Variants in GPAA1 observed in about 807,000 individuals in gnomAD.
The protein encoded by GPAA1 is glycosylphosphatidylinositol anchor attachment 1, also known as GPI-anchor transamidase component GPAA1.
Under a neutral mutation model 64.0 loss-of-function variants are expected in GPAA1, and 54 were observed. That is an observed-to-expected ratio of 0.84 (90% CI 0.68 to 1.06). The LOEUF (loss-of-function observed/expected upper bound fraction) is 1.06. Among genes scored for constraint, GPAA1 ranks in the 50% least tolerant of loss-of-function variants. The pLI, the probability that GPAA1 is intolerant of heterozygous loss-of-function variation, is 0.00. For synonymous variants in GPAA1, 393 were observed against 377.3 expected (o/e 1.04, Z -0.48); for missense variants, 780 against 822.3 (o/e 0.95, Z 0.63).
chr8:144,085,429 A>G lies in GPAA1; in HGVS notation c.1401A>G (p.Thr467=). The G allele has an allele frequency of 1.9e-6, 3 of 1,604,488 alleles. No homozygotes were observed. The highest frequency in any genetic ancestry group is 2.5e-6 in the Non-Finnish European group (3 of 1,179,916). ...CAGAGGCTGAGGCTGTGGTGCTGAC[A>G]CTGCTGGCGATTTATGCAGCTGGCC... ...PVAEAEAVVL[T]LLAIYAAGLA... Residue 467 remains threonine, a synonymous_variant, in exon 10 of 12, where the codon ACA becomes ACG. Transcript: ENST00000355091.
rs782138044 is a variant in GPAA1, at chr8:144,085,459, C to T, written c.1431C>T (p.Ala477=). The T allele has an allele frequency of 6.2e-7, 1 of 1,603,800 alleles. No homozygotes were observed. The highest frequency in any genetic ancestry group is 1.7e-5 in the Admixed American group (1 of 59,998). Residue 477 remains alanine, a synonymous_variant, in exon 10 of 12, where the codon GCC becomes GCT. Transcript: ENST00000355091. ...TLLAIYAAGL[A]LPHNTHRVVS... ...TGGCGATTTATGCAGCTGGCCTGGC[C>T]CTGCCCCACAATACCCACCGGTAAG...
chr8:144,082,656 C>G lies in GPAA1; in HGVS notation c.-75C>G. The G allele has an allele frequency of 9.3e-7, 1 of 1,073,396 alleles. No homozygotes were observed. Among genetic ancestry groups the G allele is most frequent in the East Asian group, 3.5e-5 (1 of 28,620 alleles). 66.5% of individuals were successfully genotyped at this position (1,073,396 alleles called of 1,614,324 possible). On this transcript the variant is annotated 5_prime_UTR_variant, in exon 1 of 12. Transcript: ENST00000355091. ...GGCGAGCGCGGGTCCCCGGGTCTGA[C>G]AGGAGCAGCCTGTGGGCACCGCGGC...
rs782768127 is a variant in GPAA1, at chr8:144,085,043, G to A, written c.1165G>A (p.Ala389Thr). The change falls in exon 9 of 12, where the codon GCT becomes ACT. Residue 389 changes from alanine (A) to threonine (T), a missense_variant and splice_region_variant. By Grantham distance (58) the Ala-to-Thr change is moderately conservative (BLOSUM62 0). Transcript: ENST00000355091. ...GFLLLVLGLK[A>T]LELWMQLHEA... ...TTGTTGGGGTCCTTGATTGGGCTAC[G>A]CTCTGGAACTGTGGATGCAGCTGCA... 6.2e-6 allele frequency: 10 copies of A among 1,606,702 alleles called. No individual in the cohort carries two copies. Among genetic ancestry groups the A allele is most frequent in the South Asian group, 3.3e-5 (3 of 90,076 alleles).
At chr8:144,083,084 A>G (rs1835934654) in intron 1 of GPAA1, 40 bp from the exon 2 acceptor site, 17 of 1,579,000 alleles carry the variant, frequency 1.1e-5, no homozygotes, top group Non-Finnish European at 1.4e-5. Context: ...GCGTCTGAGG[A>G]CCCGCTGACG....
Position 144,083,121 on chromosome 8 carries a change from C to T in GPAA1, c.75-3C>T. 6.2e-7 allele frequency: 1 copy of T among 1,611,168 alleles called. No individual in the cohort carries two copies. The highest frequency in any genetic ancestry group is 8.5e-7 in the Non-Finnish European group (1 of 1,179,362). ...TCCGGTGCCCCTCCGTCCTCTCTCA[C>T]AGCGTGCTGAGCTACGTGGCGGGCA... On this transcript the variant is annotated splice_region_variant and splice_polypyrimidine_tract_variant and intron_variant, in intron 1 of 11. Transcript: ENST00000355091.
Position 144,085,583 on chromosome 8 carries a change from A to C in GPAA1, c.1462A>C (p.Thr488Pro). ...LPHNTHRVVS[T>P]QAPDRGWMAL... is the part of the protein sequence containing the mutation. The stretch of plus-strand genomic sequence containing the variant: ...TCCTTTGTCTTACAGGGTGGTAAGC[A>C]CACAGGCCCCAGACAGGGGCTGGAT... Residue 488 changes from threonine to proline, a missense_variant, in exon 11 of 12, where the codon ACA becomes CCA. Coordinates refer to ENST00000355091, the MANE Select transcript of GPAA1 (RefSeq NM_003801.4). 6.2e-7 allele frequency: 1 copy of C among 1,613,532 alleles called. No individual in the cohort carries two copies. Among genetic ancestry groups the C allele is most frequent in the Non-Finnish European group, 8.5e-7 (1 of 1,179,884 alleles).
Position 144,083,300 on chromosome 8 carries a change from C to T in GPAA1, c.251C>T (p.Ser84Leu), listed in dbSNP as rs782283727. ...GACTTCGCCGCCCACCGCAAGAAGT[C>T]GGGGTGAGCGGCAGAGCAGGGCGTA... ...ARDFAAHRKKSGALPVAWLER... is the reference protein window; with the variant it reads ...ARDFAAHRKKLGALPVAWLER... The change falls in exon 2 of 12, where the codon TCG becomes TTG. Residue 84 changes from serine to leucine, a missense_variant. Coordinates refer to ENST00000355091, the MANE Select transcript of GPAA1 (RefSeq NM_003801.4). The T allele has an allele frequency of 6.2e-7, 1 of 1,604,388 alleles. No homozygotes were observed. The highest frequency in any genetic ancestry group is 2.2e-5 in the East Asian group (1 of 44,666).
At chr8:144,083,354 G>T (rs1174265802) in intron 2 of GPAA1, 35 bp from the exon 3 acceptor site, 1 of 1,612,080 alleles carries the variant, frequency 6.2e-7, no homozygotes, top group Non-Finnish European at 8.5e-7. Flanking sequence ...CTAAGGCCGG[G>T]GAGCTCTGCT....
intron 6 of GPAA1, 38 bp from the exon 7 acceptor site, chr8:144,084,375 T>C (rs1835959290): frequency 6.2e-7 from 1 of 1,610,542 alleles, no homozygotes; most frequent in South Asian, 1.1e-5. Context: ...ACAGGGTCTG[T>C]GGGAGGGGCT....
At position 144,085,511 on chromosome 8, in the gene GPAA1, G is replaced by A. The variant is rs1204473994; in HGVS notation, c.1451+32G>A. 3.1e-6 allele frequency: 5 copies of A among 1,604,608 alleles called. No homozygotes were observed. The African/African-American group carries it at 5.3e-5, about 17-fold the overall frequency. On this transcript the variant is annotated intron_variant, in intron 10 of 11. Coordinates refer to ENST00000355091, the MANE Select transcript of GPAA1 (RefSeq NM_003801.4). ...GGCTGGGCTGGTTGTTGGGGGCAGG[G>A]GTAGAGGTCCCCTGGACATGCAGAC...
intron 8 of GPAA1, 80 bp downstream of exon 8, chr8:144,084,955 G>A: frequency 1.9e-6 from 3 of 1,577,456 alleles, no homozygotes; most frequent in South Asian, 1.1e-5. Flanking sequence ...CTTCCATCCT[G>A]ATGGGGGGTG....
In GPAA1 at chr8:144,086,213, G is replaced by C; in HGVS notation, c.*88G>C. ...AAATAAATGAGTGTCTGTTTCAGCA[G>C]CTATTTGAGCTCCTGGCCCGCTGTC... On this transcript the variant is annotated 3_prime_UTR_variant, in exon 12 of 12. Transcript: ENST00000355091. 1 of 1,428,428 alleles carries C rather than the reference G, an allele frequency of 7.0e-7. No homozygotes were observed. Among genetic ancestry groups the C allele is most frequent in the Non-Finnish European group, 9.6e-7 (1 of 1,040,760 alleles). 88.5% of individuals were successfully genotyped at this position (1,428,428 alleles called of 1,614,324 possible). A position where few individuals can be genotyped will look rare whatever the true frequency, so the allele number is the denominator to read the frequency against.
In GPAA1 at chr8:144,085,288, G is replaced by T; in HGVS notation, c.1261-1G>T. 1 of 1,597,880 alleles carries T rather than the reference G, an allele frequency of 6.3e-7. No homozygotes were observed. Among genetic ancestry groups the T allele is most frequent in the Non-Finnish European group, 8.5e-7 (1 of 1,170,900 alleles). Reference sequence around the variant, plus strand: ...TCTCCAAGAGCCTGTGTGCCCTGCAGGGTGTGGGGCTGGCCTCGCTCGTGG... The same window carrying T: ...TCTCCAAGAGCCTGTGTGCCCTGCATGGTGTGGGGCTGGCCTCGCTCGTGG... On this transcript the variant is annotated splice_acceptor_variant, in intron 9 of 11. Coordinates refer to ENST00000355091, the MANE Select transcript of GPAA1 (RefSeq NM_003801.4). LOFTEE classifies it high-confidence loss of function.
chr8:144,083,614 A>G, intron 3 of GPAA1, 100 bp from the exon 4 acceptor site: 1 of 1,429,758 alleles, frequency 7.0e-7, no homozygotes, highest in East Asian at 2.3e-5. Flanking sequence ...TGGGAGGGAA[A>G]TCCCTGGTGG....
Position 144,085,859 on chromosome 8 carries a change from C to T in GPAA1, c.1623-23C>T, listed in dbSNP as rs1294905927. Reference sequence around the variant, plus strand: ...CCCATGCCCCCACCATGGAGCCTACCTTGATGTTGCTTCTCCACCCAGGAC... The same window carrying T: ...CCCATGCCCCCACCATGGAGCCTACTTTGATGTTGCTTCTCCACCCAGGAC... On this transcript the variant is annotated intron_variant, in intron 11 of 11. Coordinates refer to ENST00000355091, the MANE Select transcript of GPAA1 (RefSeq NM_003801.4). The T allele has an allele frequency of 1.7e-5, 27 of 1,601,762 alleles. 1 individual carries two copies. Among genetic ancestry groups the T allele is most frequent in the Non-Finnish European group, 2.1e-5 (25 of 1,172,542 alleles).
At chr8:144,084,663 C>T (rs1352207983) in intron 7 of GPAA1, 54 bp downstream of exon 7, 14 of 1,606,246 alleles carry the variant, frequency 8.7e-6, no homozygotes, top group Admixed American at 1.7e-5. Flanking sequence ...CTAGCTGGAG[C>T]GGAGTGGGGG....
rs369009236 is a variant in GPAA1, at chr8:144,083,839, G to A, written c.492G>A (p.Leu164=). The A allele has an allele frequency of 2.4e-5, 39 of 1,612,170 alleles. No homozygotes were observed. The highest frequency in any genetic ancestry group is 3.1e-5 in the Non-Finnish European group (37 of 1,180,036). The change falls in exon 4 of 12, where the codon CTG becomes CTA. Residue 164 remains leucine (L), a synonymous_variant. Coordinates refer to ENST00000355091, the MANE Select transcript of GPAA1 (RefSeq NM_003801.4). ...ACAGCCAGGCTGTGGGGCTGCTGCT[G>A]GCACTGGCTGCCCACTTCCGGGGTG... ...STNSQAVGLL[L]ALAAHFRGQI...
Position 144,084,531 on chromosome 8 carries a change from G to A in GPAA1, c.932G>A (p.Arg311His), listed in dbSNP as rs781880843. The A allele has an allele frequency of 4.0e-5, 65 of 1,613,624 alleles. No homozygotes were observed. Among genetic ancestry groups the A allele is most frequent in the African/African-American group, 5.3e-5 (4 of 74,934 alleles). ...RPHGSHGLFL[R>H]YRVEALTLRG... ...CACGGCTCCCATGGCCTCTTCCTGC[G>A]CTACCGTGTGGAGGCCCTAACCCTG... Residue 311 changes from arginine (R) to histidine (H), a missense_variant, in exon 7 of 12, where the codon CGC (arginine) becomes CAC (histidine). By Grantham distance (29) the Arg-to-His change is conservative. Transcript: ENST00000355091.
At position 144,086,197 on chromosome 8, in the gene GPAA1, AGT is replaced by A; in HGVS notation, c.*75_*76del. 5 of 1,515,676 alleles carry A rather than the reference AGT, an allele frequency of 3.3e-6. No individual in the cohort carries two copies. The highest frequency in any genetic ancestry group is 3.6e-6 in the Non-Finnish European group (4 of 1,114,158). 93.9% of individuals were successfully genotyped at this position (1,515,676 alleles called of 1,614,324 possible). On this transcript the variant is annotated 3_prime_UTR_variant, in exon 12 of 12. Transcript: ENST00000355091. ...CTGCCTCCTTCTGGGGAAATAAATG[AGT>A]GTCTGTTTCAGCAGCTATTTGAGCT...
Sources: allele counts gnomAD v4.1 joint callset, GRCh38; gene constraint gnomAD v4.1.1; transcripts MANE v1.5; gene names NCBI Gene and HGNC (gene_info 2026-07-23, HGNC 2026-07-21).